Variants in GPC3 observed in about 807,000 individuals in gnomAD.
The protein encoded by GPC3 is glypican-3.
Under a neutral mutation model 34.4 loss-of-function variants are expected in GPC3, and 3 were observed. The ratio of observed to expected loss-of-function variants is 0.09; its 90% CI spans 0.04 to 0.23. The LOEUF (loss-of-function observed/expected upper bound fraction) is 0.23, where lower values mean the gene tolerates loss of function less well. GPC3 is among the 10% of genes least tolerant of loss of function. The pLI is 1.00. For missense variants in GPC3, 351 were observed against 445.6 expected (o/e 0.79, Z 1.91); for synonymous variants, 177 against 174.0 (o/e 1.02, Z -0.13).
intron 7 of GPC3, among the ~76,000 whole-genome samples, chrX:133,538,753 C>T (rs755595094): frequency 3.9e-5 from 4 of 103,747 alleles, no homozygotes; most frequent in Non-Finnish European, 7.8e-5. Flanking sequence ...AATGCAGCCT[C>T]GATTTCCAGG....
chrX:133,709,541 T>G (rs1159923462), intron 3 of GPC3, among the ~76,000 whole-genome samples: 1 of 112,355 alleles, frequency 8.9e-6, no homozygotes, highest in Non-Finnish European at 1.9e-5. Flanking sequence ...ATATACAACA[T>G]AAACTTTTTA....
At chrX:133,928,002 T>C (rs1387631665) in intron 2 of GPC3, among the ~76,000 whole-genome samples, 1 of 109,463 alleles carries the variant, frequency 9.1e-6, no homozygotes, top group African/African-American at 3.3e-5. Flanking sequence ...CTGCATACAA[T>C]ATGCTATTAT....
intron 3 of GPC3, among the ~76,000 whole-genome samples, chrX:133,736,263 C>T (rs1045361437): frequency 1.8e-5 from 2 of 111,900 alleles, no homozygotes; most frequent in Non-Finnish European, 3.8e-5. Context: ...AATTGGAACC[C>T]TCACATTGTT....
At position 133,591,353 on chromosome X, in the gene GPC3, G is replaced by T. The variant is rs140220569; in HGVS notation, c.1573+5087C>A. On this transcript the variant is annotated intron_variant, in intron 7 of 7. Coordinates refer to ENST00000370818, the MANE Select transcript of GPC3 (RefSeq NM_004484.4). ...AAATTTTAGGTAAAATTGTATAACA[G>T]CTGACCAAAGCATATAGCCTGTCAT... Among the ~76,000 whole-genome samples the T allele has an allele frequency of 6.3e-5, 7 of 111,622 alleles. No homozygotes were observed. In the East Asian group the frequency reaches 2.0e-3, roughly 32 times the overall value.
Position 133,833,139 on chromosome X carries a change from T to C in GPC3, c.338-78963A>G, listed in dbSNP as rs150922221. Among the ~76,000 whole-genome samples, 66 of 112,059 alleles carry C rather than the reference T, an allele frequency of 5.9e-4. No homozygotes were observed. The East Asian group carries it at 0.018, about 30-fold the overall frequency. ...CAGATATGTTTTTTCAGGAGGGAAA[T>C]GGATACTGCAGGTTTTTATAGTTAG... On this transcript the variant is annotated intron_variant, in intron 2 of 7. Transcript: ENST00000370818.
intron 1 of GPC3, among the ~76,000 whole-genome samples, chrX:133,982,808 C>T (rs1451967183): frequency 8.9e-6 from 1 of 111,934 alleles, no homozygotes; most frequent in African/African-American, 3.2e-5. Flanking sequence ...GAAAGTCAAG[C>T]GGTCATCATG....
intron 2 of GPC3, among the ~76,000 whole-genome samples, chrX:133,896,928 A>G (rs1283303818): frequency 1.1e-5 from 1 of 91,011 alleles, no homozygotes; most frequent in Non-Finnish European, 2.1e-5. Flanking sequence ...TTTTTTTGAG[A>G]TGGAGTCTCG....
intron 1 of GPC3, among the ~76,000 whole-genome samples, chrX:133,956,088 T>G (rs762761271): frequency 9.0e-6 from 1 of 111,575 alleles, no homozygotes; most frequent in Admixed American, 9.5e-5. Context: ...TCAAGGGAGC[T>G]GCTGACAAAA....
At chrX:133,901,544 G>A (rs113493491) in intron 2 of GPC3, among the ~76,000 whole-genome samples, 2 of 111,131 alleles carry the variant, frequency 1.8e-5, no homozygotes, top group Non-Finnish European at 3.8e-5. Flanking sequence ...GGGTTCAAGC[G>A]ATTCTCCTGC....
chrX:133,679,198 T>G (rs1402044017), intron 5 of GPC3, among the ~76,000 whole-genome samples: 1 of 111,340 alleles, frequency 9.0e-6, no homozygotes, highest in Middle Eastern at 4.2e-3. Flanking sequence ...CAGAGAGAGA[T>G]ACTCAGGAAG....
chrX:133,651,889 C>G (rs906864668), intron 6 of GPC3, among the ~76,000 whole-genome samples: 2 of 112,334 alleles, frequency 1.8e-5, no homozygotes, highest in Non-Finnish European at 3.8e-5. Flanking sequence ...CTGTCAAACA[C>G]CTTGCTGAAA....
chrX:133,913,800 C>T (rs1211489621), intron 2 of GPC3, among the ~76,000 whole-genome samples: 1 of 110,784 alleles, frequency 9.0e-6, no homozygotes, highest in Non-Finnish European at 1.9e-5. Context: ...TAAGAACATA[C>T]AAAGATTGGT....
chrX:133,954,739 T>TC (rs1491315660), intron 1 of GPC3, among the ~76,000 whole-genome samples: 1 of 49,595 alleles, frequency 2.0e-5, no homozygotes, highest in African/African-American at 9.0e-5. Context: ...AAACTTTCTC[T>TC]TTTTTTTTTT....
chrX:133,535,894 C>A lies in GPC3; in HGVS notation c.*230G>T. 2.7e-6 allele frequency: 1 copy of A among 367,038 alleles called. No individual in the cohort carries two copies. The highest frequency in any genetic ancestry group is 5.8e-5 in the South Asian group (1 of 17,194). 30.2% of individuals were successfully genotyped at this position (367,038 alleles called of 1,213,427 possible). A position where few individuals can be genotyped will look rare whatever the true frequency, so the allele number is the denominator to read the frequency against. ...TTGGCACAACTTGATGGTTTTTTTT[C>A]TTTCTTTGCAAAAGGACAATCTATA... On this transcript the variant is annotated 3_prime_UTR_variant, in exon 8 of 8. Coordinates refer to ENST00000370818, the MANE Select transcript of GPC3 (RefSeq NM_004484.4).
intron 2 of GPC3, among the ~76,000 whole-genome samples, chrX:133,758,314 G>A (rs1369755828): frequency 8.9e-6 from 1 of 111,847 alleles, no homozygotes; most frequent in Non-Finnish European, 1.9e-5. Context: ...GGCCATCAGT[G>A]ATAGAATGCA....
intron 6 of GPC3, among the ~76,000 whole-genome samples, chrX:133,637,105 A>G (rs1276176525): frequency 1.8e-5 from 2 of 111,839 alleles, no homozygotes; most frequent in Non-Finnish European, 3.8e-5. Flanking sequence ...TTCCTTTCCA[A>G]TACAAGACAG....
intron 7 of GPC3, among the ~76,000 whole-genome samples, chrX:133,579,131 C>T (rs1435448866): frequency 8.9e-6 from 1 of 112,007 alleles, no homozygotes; most frequent in Non-Finnish European, 1.9e-5. Context: ...ATTTTCTTCC[C>T]TTTCCACCTG....
chrX:133,596,360 C>T, intron 7 of GPC3, 80 bp downstream of exon 7: 6 of 855,639 alleles, frequency 7.0e-6, no homozygotes, highest in Admixed American at 4.4e-5. Flanking sequence ...AAGGGAATTG[C>T]AGACAGCGGG....
At chrX:133,978,730 TATAA>T (rs2076526554) in intron 1 of GPC3, among the ~76,000 whole-genome samples, 1 of 112,328 alleles carries the variant, frequency 8.9e-6, no homozygotes, top group African/African-American at 3.2e-5. Flanking sequence ...TCATTCAGTC[TATAA>T]ATACATATTG....
Sources: allele counts gnomAD v4.1 joint callset (sites outside exome capture counted in the v4.1 genomes callset), GRCh38; gene constraint gnomAD v4.1.1; transcripts MANE v1.5; gene names NCBI Gene and HGNC (gene_info 2026-07-23, HGNC 2026-07-21).